Variants in GLCE observed in about 807,000 individuals in gnomAD.
GLCE encodes the protein D-glucuronyl C5-epimerase.
GLCE carries 19 observed loss-of-function variants against 47.9 expected under a neutral mutation model. That is an observed-to-expected ratio of 0.40 (90% CI 0.28 to 0.58). GLCE has a LOEUF of 0.58. Ranked by LOEUF, GLCE falls within the 20% of genes least tolerant of loss-of-function variation. GLCE has a pLI of 0.48. For missense variants in GLCE, 556 were observed against 743.3 expected (o/e 0.75, Z 2.93); for synonymous variants, 245 against 263.4 (o/e 0.93, Z 0.68).
At chr15:69,260,109 G>T (rs1355437675) in intron 3 of GLCE, among the ~76,000 whole-genome samples, 1 of 152,012 alleles carries the variant, frequency 6.6e-6, no homozygotes, top group Non-Finnish European at 1.5e-5. Context: ...ATCCATTAAT[G>T]AATTATTTCA....
intron 2 of GLCE, among the ~76,000 whole-genome samples, chr15:69,215,578 A>G (rs1400362444): frequency 6.6e-6 from 1 of 150,640 alleles, no homozygotes; most frequent in Non-Finnish European, 1.5e-5. Flanking sequence ...GTGTGTGTGT[A>G]TACATAAGTT....
chr15:69,268,904 G>C lies in GLCE; in HGVS notation c.1514G>C (p.Ser505Thr). 2 of 1,613,944 alleles carry C rather than the reference G, an allele frequency of 1.2e-6. No homozygotes were observed. Among genetic ancestry groups the C allele is most frequent in the Middle Eastern group, 1.6e-4 (1 of 6,062 alleles). The change falls in exon 5 of 5, where the codon AGC becomes ACC. Residue 505 changes from serine to threonine, a missense_variant. Ser to Thr is a moderately conservative substitution (Grantham distance 58). Transcript: ENST00000261858. Reference sequence around the variant, plus strand: ...TATGAAGAATATCCAACCACACCTAGCTCTTTTGTTTTAAATGGCTTTATG... The same window carrying C: ...TATGAAGAATATCCAACCACACCTACCTCTTTTGTTTTAAATGGCTTTATG... ...DWYEEYPTTP[S>T]SFVLNGFMYS...
rs1423882403 is a variant in GLCE, at chr15:69,255,967, A to G, written c.161A>G (p.Lys54Arg). The G allele has an allele frequency of 1.9e-6, 3 of 1,613,940 alleles. No homozygotes were observed. Among genetic ancestry groups the G allele is most frequent in the Non-Finnish European group, 2.5e-6 (3 of 1,180,014 alleles). Reference protein sequence around the residue: ...SSGFRVDGFEKRAAASESNNY... With the variant: ...SSGFRVDGFERRAAASESNNY... ...GGCTTCAGAGTGGATGGGTTTGAAA[A>G]AAGAGCAGCAGCATCTGAGAGTAAC... Residue 54 changes from lysine to arginine, a missense_variant, in exon 3 of 5, where the codon AAA becomes AGA. Coordinates refer to ENST00000261858, the MANE Select transcript of GLCE (RefSeq NM_015554.3).
chr15:69,231,729 G>A (rs935111334), intron 2 of GLCE, among the ~76,000 whole-genome samples: 2 of 152,078 alleles, frequency 1.3e-5, no homozygotes, highest in African/African-American at 2.4e-5. Context: ...TTTTATATAT[G>A]CCTATGAGCT....
At chr15:69,241,500 C>T (rs1180055354) in intron 2 of GLCE, among the ~76,000 whole-genome samples, 1 of 152,176 alleles carries the variant, frequency 6.6e-6, no homozygotes, top group Non-Finnish European at 1.5e-5. Flanking sequence ...CAAGAGTTAA[C>T]TAAAGTCATT....
intron 2 of GLCE, among the ~76,000 whole-genome samples, chr15:69,229,484 TGAA>T (rs1343053280): frequency 1.3e-5 from 2 of 152,122 alleles, no homozygotes; most frequent in Non-Finnish European, 2.9e-5. Flanking sequence ...CAAAAATAAA[TGAA>T]GAGCCCTGGA....
At chr15:69,266,690 G>C in intron 4 of GLCE, 1 of 809,128 alleles carries the variant, frequency 1.2e-6, no homozygotes, top group Non-Finnish European at 1.5e-6. Flanking sequence ...GCATAGATCT[G>C]CTTCTATGGC....
intron 1 of GLCE, among the ~76,000 whole-genome samples, chr15:69,203,851 A>G (rs1050796029): frequency 7.9e-5 from 12 of 152,112 alleles, no homozygotes; most frequent in African/African-American, 2.9e-4. Context: ...TAAATTTACT[A>G]GCCCAACTGA....
intron 2 of GLCE, among the ~76,000 whole-genome samples, chr15:69,250,960 T>C (rs565660850): frequency 1.3e-5 from 2 of 152,314 alleles, no homozygotes; most frequent in African/African-American, 4.8e-5. Context: ...TTCCATTTTA[T>C]CAAGTCCATT....
At chr15:69,189,773 G>A (rs2051886130) in intron 1 of GLCE, among the ~76,000 whole-genome samples, 1 of 151,970 alleles carries the variant, frequency 6.6e-6, no homozygotes, top group South Asian at 2.1e-4. Flanking sequence ...CAGAAGAGGA[G>A]GACACACTTA....
chr15:69,223,160 A>T (rs1196981828), intron 2 of GLCE, among the ~76,000 whole-genome samples: 1 of 152,200 alleles, frequency 6.6e-6, no homozygotes, highest in African/African-American at 2.4e-5. Context: ...CCATGTAGTT[A>T]CTTTTATTGA....
At chr15:69,216,275 G>T (rs1376353142) in intron 2 of GLCE, among the ~76,000 whole-genome samples, 1 of 152,076 alleles carries the variant, frequency 6.6e-6, no homozygotes. Flanking sequence ...TCTTTGGTGA[G>T]ATCTTTTCAC....
Position 69,261,330 on chromosome 15 carries a change from G to A in GLCE, c.829+1G>A, listed in dbSNP as rs2053011780. On this transcript the variant is annotated splice_donor_variant, in intron 4 of 4. Coordinates refer to ENST00000261858, the MANE Select transcript of GLCE (RefSeq NM_015554.3). LOFTEE classifies it high-confidence loss of function. ...AATGTCAAACAGTTTATTGCACCAG[G>A]TAAGTTATGTATTATATGTGCCTGC... 6.2e-7 allele frequency: 1 copy of A among 1,613,120 alleles called. No individual in the cohort carries two copies. Among genetic ancestry groups the A allele is most frequent in the Non-Finnish European group, 8.5e-7 (1 of 1,179,556 alleles).
intron 1 of GLCE, among the ~76,000 whole-genome samples, chr15:69,201,275 G>A (rs963472050): frequency 6.6e-6 from 1 of 152,062 alleles, no homozygotes; most frequent in African/African-American, 2.4e-5. Context: ...CATCTTTGGA[G>A]GGCCATTGTT....
chr15:69,176,219 T>TTTG (rs2051661387), intron 1 of GLCE, among the ~76,000 whole-genome samples: 2 of 131,662 alleles, frequency 1.5e-5, no homozygotes, highest in African/African-American at 5.5e-5. Flanking sequence ...GAACCTTGTT[T>TTTG]TTTTTTTTTT....
intron 1 of GLCE, among the ~76,000 whole-genome samples, chr15:69,200,680 A>T (rs145828160): frequency 6.4e-4 from 98 of 152,240 alleles, no homozygotes; most frequent in African/African-American, 9.4e-4. Flanking sequence ...GTTGACAAGA[A>T]AAGCTATATA....
At chr15:69,218,589 A>G (rs2052338575) in intron 2 of GLCE, among the ~76,000 whole-genome samples, 1 of 152,224 alleles carries the variant, frequency 6.6e-6, no homozygotes, top group African/African-American at 2.4e-5. Context: ...TAATTAGACA[A>G]GACTGAAATT....
chr15:69,202,407 A>C (rs749587601), intron 1 of GLCE, among the ~76,000 whole-genome samples: 7 of 152,114 alleles, frequency 4.6e-5, no homozygotes. Flanking sequence ...GAGATTTACT[A>C]TCTGTTGGTC....
chr15:69,194,728 G>A (rs1299928427), intron 1 of GLCE, among the ~76,000 whole-genome samples: 1 of 152,114 alleles, frequency 6.6e-6, no homozygotes, highest in Non-Finnish European at 1.5e-5. Context: ...CCTGTGTGCA[G>A]AAAGTAACCA....
Sources: gnomAD v4.1 joint callset for allele counts (sites outside exome capture counted in the v4.1 genomes callset) on GRCh38, gnomAD v4.1.1 for gene constraint, MANE v1.5 for transcripts, NCBI Gene and HGNC (gene_info 2026-07-23, HGNC 2026-07-21) for gene names.